NF1: variants seen among roughly 807,000 people sequenced by gnomAD.
The protein encoded by NF1 is neurofibromin.
Under a neutral mutation model 325.7 loss-of-function variants are expected in NF1, and 122 were observed. The observed-to-expected ratio is 0.37, with a 90% CI of 0.32 to 0.44. NF1 has a LOEUF of 0.44. Among genes scored for constraint, NF1 ranks in the 20% least tolerant of loss-of-function variants. The probability of loss-of-function intolerance (pLI) is 1.00; values close to 1 mark genes in which losing one functional copy is unlikely to be tolerated. For missense variants in NF1, 2,140 were observed against 3,415.4 expected (o/e 0.63, Z 9.31); for synonymous variants, 1,091 against 1,186.0 (o/e 0.92, Z 1.65).
rs762187049 is a variant in NF1, at chr17:31,304,802, T to C, written c.4836-21018T>C. 5 of 1,614,028 alleles carry C rather than the reference T, an allele frequency of 3.1e-6. No individual in the cohort carries two copies. In the South Asian group the frequency reaches 4.4e-5, roughly 14 times the overall value. On this transcript the variant is annotated intron_variant, in intron 36 of 57. Coordinates refer to ENST00000358273, the MANE Select transcript of NF1 (RefSeq NM_001042492.3). ...CTTGGTTTCCAGGGTGTAAGTGAAATGATTGATGTACGTTTTGTGGATATT... is the reference window on the plus strand; with the variant it reads ...CTTGGTTTCCAGGGTGTAAGTGAAACGATTGATGTACGTTTTGTGGATATT...
intron 1 of NF1, among the ~76,000 whole-genome samples, chr17:31,124,427 T>G (rs1201620479): frequency 6.6e-6 from 1 of 151,752 alleles, no homozygotes; most frequent in Non-Finnish European, 1.5e-5. Flanking sequence ...AGTATTAAGT[T>G]AACTCATTTT....
At chr17:31,352,861 CAAAA>C (rs1220620320) in intron 51 of NF1, among the ~76,000 whole-genome samples, 1 of 152,080 alleles carries the variant, frequency 6.6e-6, no homozygotes. Context: ...TTTGAAAAGA[CAAAA>C]AGACATGCTT....
rs2069618564 is a variant in NF1, at chr17:31,335,274, T to TA, written c.6006+243_6006+244insA. On this transcript the variant is annotated intron_variant, in intron 40 of 57. Transcript: ENST00000358273. The stretch of plus-strand genomic sequence containing the variant: ...TTGCACAGTCTCCTTCAAGGCATAA[T>TA]TATATATATATATATATATATAATT... Among the ~76,000 whole-genome samples the TA allele has an allele frequency of 2.5e-3, 17 of 6,712 alleles. 1 individual carries two copies. Among genetic ancestry groups the TA allele is most frequent in the African/African-American group, 6.0e-3 (17 of 2,846 alleles). 4.4% of individuals were successfully genotyped at this position (6,712 alleles called of 152,430 possible).
At chr17:31,293,527 A>C (rs1052349975) in intron 36 of NF1, among the ~76,000 whole-genome samples, 4 of 152,180 alleles carry the variant, frequency 2.6e-5, no homozygotes, top group Non-Finnish European at 4.4e-5. Flanking sequence ...GTTTTGTTGA[A>C]GCTTAATGGT....
intron 8 of NF1, among the ~76,000 whole-genome samples, chr17:31,184,385 C>T (rs1030570433): frequency 6.6e-6 from 1 of 151,968 alleles, no homozygotes; most frequent in African/African-American, 2.4e-5. Flanking sequence ...CGCGGTGGCT[C>T]ACGCCTGTAA....
intron 29 of NF1, among the ~76,000 whole-genome samples, chr17:31,238,362 T>C (rs894867413): frequency 6.6e-6 from 1 of 152,154 alleles, no homozygotes; most frequent in African/African-American, 2.4e-5. Flanking sequence ...AGAAATTACT[T>C]TACCAGAGCT....
chr17:31,301,630 T>C (rs555381386), intron 36 of NF1, among the ~76,000 whole-genome samples: 70 of 152,310 alleles, frequency 4.6e-4, no homozygotes, highest in South Asian at 1.5e-3. Context: ...TATGTTTCAG[T>C]GCATGATGTA....
rs527852006 is a variant in NF1, at chr17:31,340,857, A to C, written c.7062+212A>C. On this transcript the variant is annotated intron_variant, in intron 47 of 57. Coordinates refer to ENST00000358273, the MANE Select transcript of NF1 (RefSeq NM_001042492.3). Reference sequence around the variant, plus strand: ...TTTACATAAAAATAGCAAAAAAAAAAAAACAAAAAAAAAACAGTACTGGCC... The same window carrying C: ...TTTACATAAAAATAGCAAAAAAAAACAAACAAAAAAAAAACAGTACTGGCC... Among the ~76,000 whole-genome samples the C allele has an allele frequency of 4.0e-5, 6 of 151,622 alleles. No individual in the cohort carries two copies. In the South Asian group the frequency reaches 8.3e-4, roughly 21 times the overall value.
At chr17:31,183,218 G>T in intron 8 of NF1, 2 of 187,930 alleles carry the variant, frequency 1.1e-5, no homozygotes, top group East Asian at 1.2e-4. Flanking sequence ...CTAGGTGATT[G>T]AAAAAAAAAA....
chr17:31,150,720 C>T (rs564407479), intron 1 of NF1, among the ~76,000 whole-genome samples: 2 of 152,250 alleles, frequency 1.3e-5, no homozygotes, highest in East Asian at 1.9e-4. Flanking sequence ...CCACCATTCT[C>T]AGTTCTTTTA....
chr17:31,180,381 A>T (rs559831024), intron 5 of NF1, among the ~76,000 whole-genome samples: 1 of 152,230 alleles, frequency 6.6e-6, no homozygotes, highest in Non-Finnish European at 1.5e-5. Flanking sequence ...AAGCACATCA[A>T]AAAGCTTGTC....
intron 1 of NF1, among the ~76,000 whole-genome samples, chr17:31,125,318 G>GTATA (rs142101748): frequency 1.3e-5 from 2 of 148,984 alleles, no homozygotes; most frequent in African/African-American, 4.9e-5. Context: ...TGTATATATT[G>GTATA]TATATATATA....
At chr17:31,364,089 G>T (rs990901114) in intron 57 of NF1, among the ~76,000 whole-genome samples, 29 of 152,128 alleles carry the variant, frequency 1.9e-4, no homozygotes, top group African/African-American at 6.3e-4. Flanking sequence ...AAAACCAAAA[G>T]AAAGTTGTCC....
At chr17:31,138,225 T>C (rs1423114261) in intron 1 of NF1, 1 of 152,126 alleles carries the variant, frequency 6.6e-6, no homozygotes, top group Admixed American at 6.6e-5. Context: ...TTGTAGAAAA[T>C]ATCTTGACTT....
In NF1 at chr17:31,167,438, A is replaced by G. The variant is rs144985290; in HGVS notation, c.480-2453A>G. Among the ~76,000 whole-genome samples the G allele has an allele frequency of 3.2e-4, 49 of 152,364 alleles. No individual in the cohort carries two copies. The East Asian group carries it at 9.1e-3, about 28-fold the overall frequency. On this transcript the variant is annotated intron_variant, in intron 4 of 57. Coordinates refer to ENST00000358273, the MANE Select transcript of NF1 (RefSeq NM_001042492.3). Reference sequence around the variant, plus strand: ...AATAGGATTGATTACATTCTTATCAACTGAAGGTTTAGTGTGATGATTAAT... The same window carrying G: ...AATAGGATTGATTACATTCTTATCAGCTGAAGGTTTAGTGTGATGATTAAT...
chr17:31,126,765 T>C (rs918690837), intron 1 of NF1, among the ~76,000 whole-genome samples: 5 of 152,150 alleles, frequency 3.3e-5, no homozygotes, highest in Non-Finnish European at 7.4e-5. Flanking sequence ...AGATTTGTGT[T>C]GCAAATATCT....
intron 29 of NF1, among the ~76,000 whole-genome samples, chr17:31,248,131 G>A (rs763215891): frequency 6.6e-6 from 1 of 152,070 alleles, no homozygotes; most frequent in Non-Finnish European, 1.5e-5. Flanking sequence ...GAACCCGGGA[G>A]GCGGAGGTTG....
At chr17:31,299,195 G>A (rs1409529124) in intron 36 of NF1, among the ~76,000 whole-genome samples, 2 of 151,942 alleles carry the variant, frequency 1.3e-5, no homozygotes, top group Non-Finnish European at 2.9e-5. Flanking sequence ...CTTACACTGG[G>A]TGCAGCACAC....
chr17:31,200,493 T>A lies in NF1; in HGVS notation c.960T>A (p.Ala320=), dbSNP rs376447070. 154 of 1,614,082 alleles carry A rather than the reference T, an allele frequency of 9.5e-5. No homozygotes were observed. The highest frequency in any genetic ancestry group is 1.3e-5 in the Non-Finnish European group (15 of 1,180,026). ...GAAGTAGGCAGCTGACAGAAAGTGC[T>A]GCAATTGCCTGTGTCAAACTGTGTA... ...HGGSRQLTES[A]AIACVKLCKA... The change falls in exon 9 of 58, where the codon GCT becomes GCA. Residue 320 remains alanine (A), a synonymous_variant. Coordinates refer to ENST00000358273, the MANE Select transcript of NF1 (RefSeq NM_001042492.3).
Sources: gnomAD v4.1 joint callset for allele counts (sites outside exome capture counted in the v4.1 genomes callset) on GRCh38, gnomAD v4.1.1 for gene constraint, MANE v1.5 for transcripts, NCBI Gene and HGNC (gene_info 2026-07-23, HGNC 2026-07-21) for gene names.